KIN: variants seen among roughly 807,000 people sequenced by gnomAD.
The protein encoded by KIN is Kin17 DNA and RNA binding protein, also known as DNA/RNA-binding protein KIN17.
A neutral mutation model predicts 63.0 loss-of-function variants in KIN; 47 were observed. The observed-to-expected ratio is 0.75, with a 90% CI of 0.59 to 0.95. The LOEUF is 0.95. KIN is among the 40% of genes least tolerant of loss of function. The probability of loss-of-function intolerance (pLI) is 0.00; values close to 1 mark genes in which losing one functional copy is unlikely to be tolerated. For missense variants in KIN, 408 were observed against 460.9 expected (o/e 0.89, Z 1.05); for synonymous variants, 160 against 157.7 (o/e 1.01, Z -0.11).
In KIN at chr10:7,775,762, T is replaced by A. The variant is rs570532492; in HGVS notation, c.596A>T (p.Asp199Val). 3 of 1,540,130 alleles carry A rather than the reference T, an allele frequency of 1.9e-6. No individual in the cohort carries two copies. The African/African-American group carries it at 4.2e-5, about 21-fold the overall frequency. ...PTFTELSREN[D>V]EEKVTFNLSK... ...AAAAATAAAACTACCTTTCTCTTCA[T>A]CATTTTCTCTGCTTAATTCCGTAAA... Residue 199 changes from aspartate to valine, a missense_variant, in exon 6 of 13, where the codon GAT (aspartate) becomes GTT (valine). Physicochemically the swap from Asp to Val is radical, Grantham distance 152. Coordinates refer to ENST00000379562, the MANE Select transcript of KIN (RefSeq NM_012311.4).
At chr10:7,772,128 G>A (rs1835678738) in intron 7 of KIN, among the ~76,000 whole-genome samples, 1 of 152,040 alleles carries the variant, frequency 6.6e-6, no homozygotes, top group South Asian at 2.1e-4. Flanking sequence ...CAAACGGCAG[G>A]AGACATACAG....
intron 1 of KIN, among the ~76,000 whole-genome samples, chr10:7,785,742 A>G (rs1303298819): frequency 6.6e-6 from 1 of 151,644 alleles, no homozygotes; most frequent in Non-Finnish European, 1.5e-5. Context: ...TGAACCCGGG[A>G]GGCAAAGGTT....
chr10:7,766,673 C>A (rs1184942722), intron 8 of KIN, among the ~76,000 whole-genome samples: 1 of 151,782 alleles, frequency 6.6e-6, no homozygotes, highest in Admixed American at 6.6e-5. Context: ...TACAGTTAAC[C>A]CTAAGTACCA....
intron 7 of KIN, among the ~76,000 whole-genome samples, chr10:7,769,988 T>C (rs541104194): frequency 1.3e-5 from 2 of 152,318 alleles, no homozygotes; most frequent in East Asian, 3.9e-4. Flanking sequence ...TGGAGTGCAG[T>C]GGCGCGATCT....
intron 9 of KIN, 106 bp downstream of exon 9, chr10:7,765,947 A>G: frequency 1.4e-6 from 1 of 713,434 alleles, no homozygotes; most frequent in Admixed American, 2.7e-5. Flanking sequence ...CTCTATCTAT[A>G]TAGATTATAC....
At chr10:7,778,013 T>C (rs902408711) in intron 5 of KIN, among the ~76,000 whole-genome samples, 9 of 152,134 alleles carry the variant, frequency 5.9e-5, no homozygotes, top group Non-Finnish European at 1.2e-4. Flanking sequence ...CTTATAAATA[T>C]ATGTTGAAAT....
At chr10:7,780,204 A>G in intron 3 of KIN, 26 bp from the exon 4 acceptor site, 3 of 1,611,820 alleles carry the variant, frequency 1.9e-6, no homozygotes, top group Non-Finnish European at 2.5e-6. Flanking sequence ...GACACTGATG[A>G]TCATCAGAAG....
In KIN at chr10:7,768,390, C is replaced by T. The variant is rs375885215; in HGVS notation, c.798+826G>A. Among the ~76,000 whole-genome samples, 136 of 151,950 alleles carry T rather than the reference C, an allele frequency of 9.0e-4. 2 individuals carry two copies. The South Asian group carries it at 0.027, about 30-fold the overall frequency. On this transcript the variant is annotated intron_variant, in intron 8 of 12. Transcript: ENST00000379562. ...CAAAAACTAGCTGGGTATGGTGGCA[C>T]ACATTTGCAATCCCAGCTACTCGGG...
intron 5 of KIN, among the ~76,000 whole-genome samples, chr10:7,777,246 CTT>C (rs34850717): frequency 1.4e-5 from 2 of 144,578 alleles, no homozygotes; most frequent in African/African-American, 5.1e-5. Flanking sequence ...AAAGCAAAAG[CTT>C]TTTTTTTTTT....
At chr10:7,775,603 T>C (rs1835753804) in intron 6 of KIN, 148 bp downstream of exon 6, 1 of 465,378 alleles carries the variant, frequency 2.1e-6, no homozygotes, top group Non-Finnish European at 3.8e-6. Context: ...AATTCATTAG[T>C]ATTACCTTTT....
At position 7,759,923 on chromosome 10, in the gene KIN, C is replaced by G; in HGVS notation, c.1086G>C (p.Glu362Asp). The G allele has an allele frequency of 6.4e-7, 1 of 1,573,300 alleles. No homozygotes were observed. Among genetic ancestry groups the G allele is most frequent in the African/African-American group, 1.4e-5 (1 of 73,246 alleles). The change falls in exon 12 of 13, where the codon GAG (glutamate) becomes GAC (aspartate). Residue 362 changes from glutamate to aspartate, a missense_variant. Transcript: ENST00000379562. Reference protein sequence around the residue: ...GNEGTLESINEKTFSATIVIE... With the variant: ...GNEGTLESINDKTFSATIVIE... ...TGACGATAGTAGCTGAAAAAGTCTTCTCATTGATGGATTCTAGGGTACCTT... is the reference window on the plus strand; with the variant it reads ...TGACGATAGTAGCTGAAAAAGTCTTGTCATTGATGGATTCTAGGGTACCTT...
chr10:7,761,756 C>G (rs933474317), intron 11 of KIN, among the ~76,000 whole-genome samples: 1 of 152,110 alleles, frequency 6.6e-6, no homozygotes, highest in Non-Finnish European at 1.5e-5. Context: ...AATTCCAGCC[C>G]TTTGGGAGGC....
intron 1 of KIN, among the ~76,000 whole-genome samples, chr10:7,783,553 T>A (rs1835940076): frequency 6.6e-6 from 1 of 152,190 alleles, no homozygotes; most frequent in African/African-American, 2.4e-5. Context: ...GTAAAATGGG[T>A]CATTAGTGAA....
At chr10:7,776,477 T>C (rs1001812741) in intron 5 of KIN, among the ~76,000 whole-genome samples, 2 of 143,644 alleles carry the variant, frequency 1.4e-5, no homozygotes, top group Non-Finnish European at 3.0e-5. Flanking sequence ...AGGGGGTGAG[T>C]GCTGCAGTGA....
Position 7,756,063 on chromosome 10 carries a change from T to G in KIN, c.*17A>C. ...GATGCTTTAAGATTTTAATGTATTGTTAACAAATTTTCAAACTCAGGCAAG... is the reference window on the plus strand; with the variant it reads ...GATGCTTTAAGATTTTAATGTATTGGTAACAAATTTTCAAACTCAGGCAAG... On this transcript the variant is annotated 3_prime_UTR_variant, in exon 13 of 13. Coordinates refer to ENST00000379562, the MANE Select transcript of KIN (RefSeq NM_012311.4). The G allele has an allele frequency of 2.0e-6, 3 of 1,514,284 alleles. No homozygotes were observed. Among genetic ancestry groups the G allele is most frequent in the Non-Finnish European group, 2.7e-6 (3 of 1,102,644 alleles). The allele number at this position is 1,514,284 out of a possible 1,614,324, so 93.8% of individuals were successfully genotyped here. A position where few individuals can be genotyped will look rare whatever the true frequency, so the allele number is the denominator to read the frequency against.
In KIN at chr10:7,756,142, C is replaced by G. The variant is rs764378394; in HGVS notation, c.1120G>C (p.Gly374Arg). The change falls in exon 13 of 13, where the codon GGC becomes CGC. Residue 374 changes from glycine to arginine, a missense_variant and splice_region_variant. Around this residue, in one of 2 missense-constraint regions of KIN, gnomAD observed 298 missense variants for 296.0 expected, o/e 1.01. Coordinates refer to ENST00000379562, the MANE Select transcript of KIN (RefSeq NM_012311.4). ...TFSATIVIET[G>R]PLKGRRVEGI... is the part of the protein sequence containing the mutation. ...TCAACTCTGCGTCCTTTTAAAGGGC[C>G]CTACAAATTAAAATAATTTAAAATA... is the stretch of plus-strand genomic sequence containing the variant. 3.9e-6 allele frequency: 6 copies of G among 1,542,018 alleles called. No individual in the cohort carries two copies. The highest frequency in any genetic ancestry group is 4.4e-6 in the Non-Finnish European group (5 of 1,137,712).
In KIN at chr10:7,751,266, A is replaced by G. The variant is rs1011079971; in HGVS notation, c.*4814T>C. On this transcript the variant is annotated 3_prime_UTR_variant, in exon 13 of 13. Transcript: ENST00000379562. Reference sequence around the variant, plus strand: ...AAAAGCTTTTTAAAGGCACATTTTTATGAATCTTCCTTTCCATAATCTGGT... The same window carrying G: ...AAAAGCTTTTTAAAGGCACATTTTTGTGAATCTTCCTTTCCATAATCTGGT... The G allele has an allele frequency of 2.6e-5, 4 of 152,224 alleles. No individual in the cohort carries two copies. Among genetic ancestry groups the G allele is most frequent in the African/African-American group, 7.2e-5 (3 of 41,460 alleles). The allele number at this position is 152,224 out of a possible 1,614,324, so 9.4% of individuals were successfully genotyped here.
In KIN at chr10:7,758,792, TA is replaced by T. The variant is rs540820386; in HGVS notation, c.1119+1097del. On this transcript the variant is annotated intron_variant, in intron 12 of 12. Transcript: ENST00000379562. ...GAGAAAATCTTATAGAGTTTTTTGT[TA>T]AAACTCAATCTGCTAATTTAGTCAG... 1.3e-3 allele frequency among the ~76,000 whole-genome samples: 196 copies of T among 152,294 alleles called. 2 individuals are homozygous for T. Among genetic ancestry groups the T allele is most frequent in the Admixed American group, 2.4e-3 (37 of 15,286 alleles).
rs568256704 is a variant in KIN at position 7,768,760 on chromosome 10, GT to G, written c.798+455del. On this transcript the variant is annotated intron_variant, in intron 8 of 12. Transcript: ENST00000379562. Reference sequence around the variant, plus strand: ...AGGTGGGGCATGGTGGCTCATGCCTGTAATCCCAGCATTTGGGAGTCCAAGG... The same window carrying G: ...AGGTGGGGCATGGTGGCTCATGCCTGAATCCCAGCATTTGGGAGTCCAAGG... Among the ~76,000 whole-genome samples, 311 of 152,286 alleles carry G rather than the reference GT, an allele frequency of 2.0e-3. 1 individual carries two copies. Among genetic ancestry groups the G allele is most frequent in the Non-Finnish European group, 3.0e-3 (205 of 68,018 alleles).
Sources: gnomAD v4.1 joint callset for allele counts (sites outside exome capture counted in the v4.1 genomes callset) on GRCh38, gnomAD v4.1.1 for gene constraint, gnomAD v4.1.1 regional missense constraint, MANE v1.5 for transcripts, NCBI Gene and HGNC (gene_info 2026-07-23, HGNC 2026-07-21) for gene names.